The following CDH8 variants were observed in gnomAD, a reference collection of about 807,000 sequenced individuals.
CDH8 encodes the protein cadherin-8.
CDH8 carries 17 observed loss-of-function variants against 68.1 expected under a neutral mutation model. The observed-to-expected ratio is 0.25, with a 90% CI of 0.17 to 0.37. The LOEUF (loss-of-function observed/expected upper bound fraction) is 0.37. Among genes scored for constraint, CDH8 ranks in the 10% least tolerant of loss-of-function variants. The pLI, the probability that CDH8 is intolerant of heterozygous loss-of-function variation, is 1.00. For missense variants in CDH8, 763 were observed against 999.3 expected, an observed-to-expected ratio of 0.76 and a Z score of 3.19; for synonymous variants, 372 against 365.1, an observed-to-expected ratio of 1.02 and a Z score of -0.21.
chr16:61,815,625 A>G (rs1962055483), intron 7 of CDH8, among the ~76,000 whole-genome samples: 1 of 152,082 alleles, frequency 6.6e-6, no homozygotes, highest in South Asian at 2.1e-4. Context: ...TATTTTCCCT[A>G]AGGACCCTTG....
At chr16:61,898,794 A>T (rs1963915082) in intron 3 of CDH8, among the ~76,000 whole-genome samples, 2 of 152,194 alleles carry the variant, frequency 1.3e-5, no homozygotes, top group Non-Finnish European at 2.9e-5. Flanking sequence ...GAGTAAAAAC[A>T]GATTCAACAA....
At chr16:61,827,574 T>A (rs970246158) in intron 4 of CDH8, among the ~76,000 whole-genome samples, 1 of 151,934 alleles carries the variant, frequency 6.6e-6, no homozygotes, top group Admixed American at 6.6e-5. Flanking sequence ...TAAAATAGTT[T>A]TTTTACTCAC....
intron 10 of CDH8, among the ~76,000 whole-genome samples, chr16:61,658,813 AT>A (rs1490286983): frequency 6.6e-6 from 1 of 152,158 alleles, no homozygotes; most frequent in Non-Finnish European, 1.5e-5. Context: ...ATATTAACCA[AT>A]TTTGAAATAA....
At chr16:61,687,875 T>C (rs1247446334) in intron 10 of CDH8, among the ~76,000 whole-genome samples, 2 of 152,078 alleles carry the variant, frequency 1.3e-5, no homozygotes, top group African/African-American at 4.8e-5. Context: ...TTCTAAGCTT[T>C]ATCTCATTTA....
At chr16:61,727,047 C>G (rs376009677) in intron 9 of CDH8, 47 bp downstream of exon 9, 104 of 1,595,016 alleles carry the variant, frequency 6.5e-5, no homozygotes, top group Non-Finnish European at 8.8e-5. Flanking sequence ...AAATATGAGA[C>G]AGTTGTATAC....
intron 2 of CDH8, among the ~76,000 whole-genome samples, chr16:61,926,155 GT>G (rs1214761536): frequency 9.9e-5 from 7 of 70,602 alleles, no homozygotes; most frequent in Non-Finnish European, 1.9e-4. Flanking sequence ...CAGAAGGGGT[GT>G]GTGTGTGTGT....
At chr16:61,726,039 C>T (rs1043268483) in intron 9 of CDH8, 4 of 150,578 alleles carry the variant, frequency 2.7e-5, no homozygotes, top group African/African-American at 9.7e-5. Context: ...TATAATAAAG[C>T]ATACAGCTAC....
chr16:61,698,787 A>G (rs1964372366), intron 10 of CDH8, among the ~76,000 whole-genome samples: 1 of 152,098 alleles, frequency 6.6e-6, no homozygotes, highest in South Asian at 2.1e-4. Flanking sequence ...GACTTCTCCG[A>G]TATCTTTCTT....
At chr16:61,823,951 GC>G (rs560776628) in intron 5 of CDH8, among the ~76,000 whole-genome samples, 159 of 151,978 alleles carry the variant, frequency 1.0e-3, no homozygotes, top group African/African-American at 3.6e-3. Context: ...AGAAACCACT[GC>G]CTTGGAAAGA....
chr16:61,863,221 A>G (rs996788932), intron 3 of CDH8, among the ~76,000 whole-genome samples: 2 of 152,074 alleles, frequency 1.3e-5, no homozygotes, highest in African/African-American at 4.8e-5. Context: ...AAATTTGCCA[A>G]TGTGCTGCTC....
chr16:61,692,422 A>G (rs897914409), intron 10 of CDH8: 2 of 152,158 alleles, frequency 1.3e-5, no homozygotes, highest in Non-Finnish European at 2.9e-5. Context: ...TTCAGGGAGT[A>G]TGAAAAGAGT....
chr16:61,832,568 A>T (rs1379873148), intron 4 of CDH8, among the ~76,000 whole-genome samples: 1 of 151,810 alleles, frequency 6.6e-6, no homozygotes, highest in African/African-American at 2.4e-5. Flanking sequence ...CATTTTGACC[A>T]GTACTTTTTA....
intron 7 of CDH8, among the ~76,000 whole-genome samples, chr16:61,803,459 C>A (rs1210144159): frequency 2.7e-5 from 4 of 146,908 alleles, no homozygotes; most frequent in Non-Finnish European, 6.0e-5. Context: ...CAAATTCACA[C>A]ATAACAATAT....
rs1596932701 is a variant in CDH8 at position 61,752,305 on chromosome 16, T to C, written c.1415-25090A>G. ...GAAGGGCATGGTTAATGTCTTGAAGTAGTCAATCACAGATTTCTGGATGAT... is the reference window on the plus strand; with the variant it reads ...GAAGGGCATGGTTAATGTCTTGAAGCAGTCAATCACAGATTTCTGGATGAT... On this transcript the variant is annotated intron_variant, in intron 8 of 11. Transcript: ENST00000577390. 1.3e-5 allele frequency among the ~76,000 whole-genome samples: 2 copies of C among 152,302 alleles called. 1 individual carries two copies. Among genetic ancestry groups the C allele is most frequent in the South Asian group, 4.1e-4 (2 of 4,826 alleles).
intron 1 of CDH8, among the ~76,000 whole-genome samples, chr16:62,033,071 T>G (rs1476422444): frequency 6.6e-6 from 1 of 152,194 alleles, no homozygotes; most frequent in Non-Finnish European, 1.5e-5. Flanking sequence ...GTTCCAACAA[T>G]CTGTTCCTCC....
intron 10 of CDH8, among the ~76,000 whole-genome samples, chr16:61,701,731 C>G (rs2142849797): frequency 6.6e-6 from 1 of 152,262 alleles, no homozygotes; most frequent in African/African-American, 2.4e-5. Context: ...GGTTGATGTG[C>G]AATTTTTTTC....
At position 61,807,759 on chromosome 16, in the gene CDH8, A is replaced by G. The variant is rs1483591590; in HGVS notation, c.1277+9720T>C. ...GATATAAAGGCCCTACCACTTTGGC[A>G]TGACGTAGTACTCCTCTGATAAGCA... On this transcript the variant is annotated intron_variant, in intron 7 of 11. Coordinates refer to ENST00000577390, the MANE Select transcript of CDH8 (RefSeq NM_001796.5). 2.0e-5 allele frequency among the ~76,000 whole-genome samples: 3 copies of G among 152,216 alleles called. No homozygotes were observed. The East Asian group carries it at 5.8e-4, about 29-fold the overall frequency.
At chr16:61,775,393 A>G (rs1432543531) in intron 8 of CDH8, among the ~76,000 whole-genome samples, 2 of 152,054 alleles carry the variant, frequency 1.3e-5, no homozygotes, top group Non-Finnish European at 2.9e-5. Context: ...CTACAAATCA[A>G]TATCCCTCAG....
intron 10 of CDH8, among the ~76,000 whole-genome samples, chr16:61,662,396 A>G (rs1963585548): frequency 6.6e-6 from 1 of 151,776 alleles, no homozygotes; most frequent in African/African-American, 2.4e-5. Flanking sequence ...ATGAGATGTT[A>G]GATACAAGAG....
Sources: allele counts gnomAD v4.1 joint callset (sites outside exome capture counted in the v4.1 genomes callset), GRCh38; gene constraint gnomAD v4.1.1; transcripts MANE v1.5; gene names NCBI Gene and HGNC (gene_info 2026-07-23, HGNC 2026-07-21).